RALGAPA2: variants seen among roughly 807,000 people sequenced by gnomAD.
RALGAPA2 encodes ral GTPase-activating protein subunit alpha-2.
RALGAPA2 carries 139 observed loss-of-function variants against 230.4 expected under a neutral mutation model. That is an observed-to-expected ratio of 0.60 (90% CI 0.53 to 0.69). The LOEUF (loss-of-function observed/expected upper bound fraction) is 0.69, where lower values mean the gene tolerates loss of function less well. Among genes scored for constraint, RALGAPA2 ranks in the 30% least tolerant of loss-of-function variants. The pLI, the probability that RALGAPA2 is intolerant of heterozygous loss-of-function variation, is 0.00. For missense variants in RALGAPA2, 2,163 were observed against 2,276.0 expected (o/e 0.95, Z 1.01); for synonymous variants, 847 against 837.8 (o/e 1.01, Z -0.19).
At chr20:20,401,815 C>T (rs6046831) in intron 38 of RALGAPA2, among the ~76,000 whole-genome samples, 6,119 of 152,244 alleles carry the variant, frequency 0.04, 262 homozygotes, top group East Asian at 0.14. Context: ...TAAGATACTT[C>T]CTATATGTGA....
At chr20:20,427,412 G>C (rs1159925495) in intron 37 of RALGAPA2, among the ~76,000 whole-genome samples, 3 of 151,856 alleles carry the variant, frequency 2.0e-5, no homozygotes, top group Non-Finnish European at 4.4e-5. Flanking sequence ...TTGCGGGGTG[G>C]GAGCGTCTGC....
chr20:20,405,006 C>T (rs1298495338), intron 38 of RALGAPA2, among the ~76,000 whole-genome samples: 1 of 152,248 alleles, frequency 6.6e-6, no homozygotes, highest in African/African-American at 2.4e-5. Flanking sequence ...TTCTTTCTCT[C>T]TGCTCTTCTC....
At chr20:20,601,538 TA>T in intron 16 of RALGAPA2, 143 bp downstream of exon 16, 1 of 756,962 alleles carries the variant, frequency 1.3e-6, no homozygotes, top group Non-Finnish European at 1.9e-6. Context: ...AACCAGAGCA[TA>T]AAGCTAAAAA....
rs1408805415 is a variant in RALGAPA2 at position 20,512,900 on chromosome 20, C to T, written c.4469G>A (p.Arg1490Lys). Reference protein sequence around the residue: ...PLEGCLAPNGRNPSFLISSWH... With the variant: ...PLEGCLAPNGKNPSFLISSWH... The stretch of plus-strand genomic sequence containing the variant: ...GCTCGAAATCAGAAATGAAGGATTT[C>T]TTCCATTGGGTGCTAAGCAGCCTTC... Residue 1490 changes from arginine to lysine, a missense_variant, in exon 32 of 40, where the codon AGA becomes AAA. By Grantham distance (26) the Arg-to-Lys change is conservative. Transcript: ENST00000202677. 1.2e-6 allele frequency: 2 copies of T among 1,613,932 alleles called. No individual in the cohort carries two copies. The highest frequency in any genetic ancestry group is 4.5e-5 in the East Asian group (2 of 44,888).
At chr20:20,691,199 T>C (rs745740938) in intron 1 of RALGAPA2, among the ~76,000 whole-genome samples, 1 of 152,144 alleles carries the variant, frequency 6.6e-6, no homozygotes, top group South Asian at 2.1e-4. Flanking sequence ...CAACAACTCT[T>C]CAACCTTACT....
At chr20:20,523,152 C>G (rs1022344437) in intron 30 of RALGAPA2, among the ~76,000 whole-genome samples, 1 of 151,918 alleles carries the variant, frequency 6.6e-6, no homozygotes, top group Non-Finnish European at 1.5e-5. Context: ...CAGAATTTTC[C>G]CTCCATAGCA....
chr20:20,514,319 G>A (rs533648441), intron 31 of RALGAPA2, among the ~76,000 whole-genome samples: 1 of 152,218 alleles, frequency 6.6e-6, no homozygotes, highest in South Asian at 2.1e-4. Flanking sequence ...CTGGTAGTCT[G>A]AGCTGCTTCA....
At chr20:20,623,383 G>A (rs1190349046) in intron 10 of RALGAPA2, among the ~76,000 whole-genome samples, 2 of 151,144 alleles carry the variant, frequency 1.3e-5, no homozygotes, top group African/African-American at 4.9e-5. Context: ...CATTACTAGA[G>A]ATGAAGACAG....
intron 24 of RALGAPA2, among the ~76,000 whole-genome samples, 157 bp downstream of exon 24, chr20:20,546,547 T>C (rs556302548): frequency 1.3e-5 from 2 of 152,348 alleles, no homozygotes; most frequent in East Asian, 3.9e-4. Flanking sequence ...CATCTTATCC[T>C]ACAATTTCAC....
intron 37 of RALGAPA2, among the ~76,000 whole-genome samples, chr20:20,439,781 G>A (rs190509883): frequency 2.6e-5 from 4 of 152,274 alleles, no homozygotes; most frequent in African/African-American, 9.6e-5. Context: ...CTAGCCTACT[G>A]AAATGTACAC....
chr20:20,660,613 T>C (rs1019420027), intron 3 of RALGAPA2, among the ~76,000 whole-genome samples: 1 of 152,208 alleles, frequency 6.6e-6, no homozygotes, highest in African/African-American at 2.4e-5. Flanking sequence ...ACCTGGCATC[T>C]AACCTCATGA....
chr20:20,697,736 C>T (rs1603252936), intron 1 of RALGAPA2, among the ~76,000 whole-genome samples: 1 of 152,094 alleles, frequency 6.6e-6, no homozygotes, highest in East Asian at 1.9e-4. Context: ...GCTGGCAATG[C>T]TAGAGACCAC....
In RALGAPA2 at chr20:20,653,053, G is replaced by A. The variant is rs137949876; in HGVS notation, c.328+477C>T. ...TAAAAATACAAAAAAAAAATTAGCCGGGCATGGTGGCGCATGCCTGTAATC... is the reference window on the plus strand; with the variant it reads ...TAAAAATACAAAAAAAAAATTAGCCAGGCATGGTGGCGCATGCCTGTAATC... On this transcript the variant is annotated intron_variant, in intron 4 of 39. Transcript: ENST00000202677. Among the ~76,000 whole-genome samples, 550 of 151,688 alleles carry A rather than the reference G, an allele frequency of 3.6e-3. 5 individuals carry two copies. The highest frequency in any genetic ancestry group is 0.012 in the African/African-American group (504 of 41,372).
intron 35 of RALGAPA2, among the ~76,000 whole-genome samples, chr20:20,501,678 G>C (rs1194938393): frequency 6.6e-6 from 1 of 152,106 alleles, no homozygotes; most frequent in Non-Finnish European, 1.5e-5. Flanking sequence ...TTTCCTTTAT[G>C]TTCAAAACTT....
chr20:20,662,921 C>CA (rs1227737345), intron 3 of RALGAPA2, among the ~76,000 whole-genome samples: 1 of 152,084 alleles, frequency 6.6e-6, no homozygotes, highest in East Asian at 1.9e-4. Context: ...CAAACAGCAG[C>CA]AAAAAATAAA....
At chr20:20,624,157 T>C (rs2066412841) in intron 10 of RALGAPA2, among the ~76,000 whole-genome samples, 2 of 151,694 alleles carry the variant, frequency 1.3e-5, no homozygotes, top group Non-Finnish European at 2.9e-5. Context: ...CGAAACCCCG[T>C]CTCTACTAAA....
At chr20:20,598,828 A>C (rs765788143) in intron 16 of RALGAPA2, 43 of 453,590 alleles carry the variant, frequency 9.5e-5, no homozygotes, top group South Asian at 6.7e-4. Flanking sequence ...AGCTTCCAGG[A>C]GAGATAAAGT....
chr20:20,503,521 AAAG>A lies in RALGAPA2; in HGVS notation c.5053-18_5053-16del. 2 of 1,532,988 alleles carry A rather than the reference AAAG, an allele frequency of 1.3e-6. No homozygotes were observed. Among genetic ancestry groups the A allele is most frequent in the Non-Finnish European group, 1.8e-6 (2 of 1,139,310 alleles). 95.0% of individuals were successfully genotyped at this position (1,532,988 alleles called of 1,614,324 possible). On this transcript the variant is annotated splice_polypyrimidine_tract_variant and intron_variant, in intron 34 of 39. Coordinates refer to ENST00000202677, the MANE Select transcript of RALGAPA2 (RefSeq NM_020343.4). ...GAGAGATCCACCTGACAAAGGTCAC[AAAG>A]AAGAAAGAGTGAGGATCAAAAATGA...
chr20:20,455,276 A>T (rs779257700), intron 37 of RALGAPA2, among the ~76,000 whole-genome samples: 11 of 152,252 alleles, frequency 7.2e-5, no homozygotes, highest in Non-Finnish European at 1.2e-4. Flanking sequence ...TGCGAAAGGA[A>T]GGTGAGCGCT....
Sources: allele counts gnomAD v4.1 joint callset (sites outside exome capture counted in the v4.1 genomes callset), GRCh38; gene constraint gnomAD v4.1.1; transcripts MANE v1.5; gene names NCBI Gene and HGNC (gene_info 2026-07-23, HGNC 2026-07-21).